Variants in ESR1 observed in about 807,000 individuals in gnomAD.
ESR1 encodes estrogen receptor.
In ESR1, 12 loss-of-function variants were observed where a neutral mutation model predicts 52.7. That is an observed-to-expected ratio of 0.23 (90% confidence interval 0.15 to 0.37). The LOEUF is 0.37. Ranked by LOEUF, ESR1 falls within the 10% of genes least tolerant of loss-of-function variation. The pLI is 1.00. For missense variants in ESR1, 584 were observed against 779.7 expected, an observed-to-expected ratio of 0.75 and a Z score of 2.99; for synonymous variants, 305 against 316.8, an observed-to-expected ratio of 0.96 and a Z score of 0.39.
At chr6:151,764,626 C>T (rs1458126459) in intron 2 of ESR1, among the ~76,000 whole-genome samples, 1 of 152,136 alleles carries the variant, frequency 6.6e-6, no homozygotes, top group African/African-American at 2.4e-5. Context: ...TGCTTCTTGT[C>T]ACCAGTTCGT....
intron 6 of ESR1, among the ~76,000 whole-genome samples, chr6:152,062,483 AAATGATGTG>A (rs1203560420): frequency 6.6e-6 from 1 of 152,158 alleles, no homozygotes; most frequent in Admixed American, 6.5e-5. Context: ...GTCCCATGAT[AAATGATGTG>A]ATCCACACTA....
upstream of ESR1, chr6:151,804,482 C>A (rs946063047): frequency 2.0e-5 from 3 of 152,174 alleles, no homozygotes; most frequent in African/African-American, 7.2e-5. Flanking sequence ...CTGTCACCAA[C>A]AAAGGGTAAC....
rs2050815508 is a variant in ESR1, at chr6:152,098,514, G to T, written c.1554-218G>T. Reference sequence around the variant, plus strand: ...GAGGGTGGGACCGCCCTGGTAGGAGGTGGAAAATGAAAAACACACGGCCAT... The same window carrying T: ...GAGGGTGGGACCGCCCTGGTAGGAGTTGGAAAATGAAAAACACACGGCCAT... On this transcript the variant is annotated intron_variant, in intron 7 of 7. Transcript: ENST00000206249. The surrounding 1 kb of genome is among the most constrained non-coding windows in gnomAD (Gnocchi z 5.1). Among the ~76,000 whole-genome samples, 1 of 152,034 alleles carries T rather than the reference G, an allele frequency of 6.6e-6. No individual in the cohort carries two copies. The highest frequency in any genetic ancestry group is 1.9e-4 in the East Asian group (1 of 5,164).
chr6:151,944,291 AAGCCC>A lies in ESR1; in HGVS notation c.880_884del (p.Ser294AlafsTer7), dbSNP rs779747527. 1 of 1,614,202 alleles carries A rather than the reference AAGCCC, an allele frequency of 6.2e-7. No individual in the cohort carries two copies. The highest frequency in any genetic ancestry group is 8.5e-7 in the Non-Finnish European group (1 of 1,180,020). On this transcript the variant is annotated frameshift_variant, in exon 4 of 8. Transcript: ENST00000206249. LOFTEE classifies it high-confidence loss of function. ...ACATGAGAGCTGCCAACCTTTGGCC[AAGCCC>A]GCTCATGATCAAACGCTCTAAGAAG...
At chr6:151,698,544 G>A (rs913836487) in intron 1 of ESR1, among the ~76,000 whole-genome samples, 1 of 152,118 alleles carries the variant, frequency 6.6e-6, no homozygotes, top group African/African-American at 2.4e-5. Flanking sequence ...TTACAGTTAT[G>A]GGAATGGAAA....
chr6:151,935,521 A>G, intron 3 of ESR1, among the ~76,000 whole-genome samples: 1 of 152,218 alleles, frequency 6.6e-6, no homozygotes, highest in East Asian at 1.9e-4. Context: ...AGCAGGCTGC[A>G]TGCAGGTGGG....
Position 151,863,088 on chromosome 6 carries a change from G to A in ESR1, c.644-17567G>A, listed in dbSNP as rs58212569. ...GTAGTATAGTTTGAAGTCAGGTAGC[G>A]TGGTGCCTCCAGCTTTGTTCTTTTG... On this transcript the variant is annotated intron_variant, in intron 2 of 7. Transcript: ENST00000206249. Among the ~76,000 whole-genome samples the A allele has an allele frequency of 3.5e-3, 538 of 152,250 alleles. 2 individuals are homozygous for A. The highest frequency in any genetic ancestry group is 0.01 in the Middle Eastern group (3 of 294).
At chr6:151,811,100 T>C (rs1234202979) in intron 1 of ESR1, 3 of 152,244 alleles carry the variant, frequency 2.0e-5, no homozygotes, top group African/African-American at 7.2e-5. Context: ...ATTGAGATGC[T>C]GTGGTTACCT....
chr6:151,792,969 GA>G (rs1776324318), intron 2 of ESR1, among the ~76,000 whole-genome samples: 1 of 152,052 alleles, frequency 6.6e-6, no homozygotes, highest in Non-Finnish European at 1.5e-5. Context: ...AGGAGATCGA[GA>G]CCATCCTGGC....
chr6:152,114,874 G>C (rs1219638017), intron 6 of ESR1, among the ~76,000 whole-genome samples: 1 of 108,272 alleles, frequency 9.2e-6, no homozygotes, highest in African/African-American at 3.7e-5. Context: ...CTGGGTGACA[G>C]AGCTAGACTC....
In ESR1 at chr6:151,807,884, G is replaced by A. The variant is rs761698890; in HGVS notation, c.-29G>A. 1 of 1,603,210 alleles carries A rather than the reference G, an allele frequency of 6.2e-7. No homozygotes were observed. The highest frequency in any genetic ancestry group is 8.5e-7 in the Non-Finnish European group (1 of 1,171,706). On this transcript the variant is annotated 5_prime_UTR_variant, in exon 1 of 8. Transcript: ENST00000206249. ...TGAGCCTTCTGCCCTGCGGGGACAC[G>A]GTCTGCACCCTGCCCGCGGCCACGG...
chr6:152,122,328 AC>A, intron 6 of ESR1: 1 of 1,586,458 alleles, frequency 6.3e-7, no homozygotes, highest in South Asian at 1.1e-5. Context: ...AAGCTGCCAC[AC>A]CGAGGGCTTT....
chr6:152,027,684 T>C (rs1376274578), intron 5 of ESR1, among the ~76,000 whole-genome samples: 1 of 152,198 alleles, frequency 6.6e-6, no homozygotes, highest in East Asian at 1.9e-4. Flanking sequence ...ATTTGGACTT[T>C]TTGTCTGAAT....
intron 3 of ESR1, among the ~76,000 whole-genome samples, chr6:151,939,081 T>C (rs972588900): frequency 5.3e-5 from 8 of 152,192 alleles, no homozygotes; most frequent in African/African-American, 1.9e-4. Flanking sequence ...GACATCTCTA[T>C]TGTGCTGTTG....
chr6:151,740,587 T>C (rs1472515569), intron 2 of ESR1, among the ~76,000 whole-genome samples: 3 of 152,152 alleles, frequency 2.0e-5, no homozygotes, highest in Non-Finnish European at 4.4e-5. Context: ...TCTCTGGGAA[T>C]AGTCCTCTTA....
chr6:151,814,023 C>A (rs1473394146), intron 1 of ESR1: 1 of 152,192 alleles, frequency 6.6e-6, no homozygotes, highest in Non-Finnish European at 1.5e-5. Context: ...AAGGTCCACG[C>A]TCCTTGGTTC....
chr6:151,882,113 A>T (rs1793036212), intron 3 of ESR1, among the ~76,000 whole-genome samples: 5 of 152,158 alleles, frequency 3.3e-5, no homozygotes, highest in Admixed American at 3.3e-4. Context: ...AATAGTGGGC[A>T]GCTAACCTTT....
chr6:151,686,064 A>ATT (rs557270210), upstream of ESR1, among the ~76,000 whole-genome samples: 1,209 of 114,288 alleles, frequency 0.011, 21 homozygotes, highest in African/African-American at 0.032. Flanking sequence ...AATTAAAACA[A>ATT]TTTTTTTTTT....
At chr6:151,935,321 G>T (rs1388874403) in intron 3 of ESR1, among the ~76,000 whole-genome samples, 1 of 152,222 alleles carries the variant, frequency 6.6e-6, no homozygotes, top group African/African-American at 2.4e-5. Context: ...TTAACGTGAA[G>T]GATGAATAAC....
Sources: gnomAD v4.1 joint callset for allele counts (sites outside exome capture counted in the v4.1 genomes callset) on GRCh38, gnomAD v4.1.1 for gene constraint, Gnocchi (gnomAD v3.1) non-coding constraint, MANE v1.5 for transcripts, NCBI Gene and HGNC (gene_info 2026-07-23, HGNC 2026-07-21) for gene names.